The following PARN variants were observed in gnomAD, a reference collection of about 807,000 sequenced individuals.
PARN encodes the protein poly(A)-specific ribonuclease PARN.
In PARN, 71 loss-of-function variants were observed where a neutral mutation model predicts 102.8. That is an observed-to-expected ratio of 0.69 (90% CI 0.57 to 0.84). The LOEUF (loss-of-function observed/expected upper bound fraction) is 0.84, where lower values mean the gene tolerates loss of function less well. Ranked by LOEUF, PARN falls within the 40% of genes least tolerant of loss-of-function variation. The pLI, the probability that PARN is intolerant of heterozygous loss-of-function variation, is 0.00. For missense variants in PARN, 782 were observed against 760.9 expected (o/e 1.03, Z -0.33); for synonymous variants, 261 against 252.9 (o/e 1.03, Z -0.30).
At chr16:14,457,364 G>A (rs1246716085) in intron 22 of PARN, among the ~76,000 whole-genome samples, 2 of 152,164 alleles carry the variant, frequency 1.3e-5, no homozygotes, top group Non-Finnish European at 2.9e-5. Flanking sequence ...TGGTGAATTC[G>A]AATTCCATGA....
intron 18 of PARN, among the ~76,000 whole-genome samples, chr16:14,569,010 G>C (rs1219651482): frequency 6.6e-6 from 1 of 151,484 alleles, no homozygotes; most frequent in South Asian, 2.1e-4. Flanking sequence ...CCAAGAGTTC[G>C]AGACCAGCCT....
At chr16:14,473,414 G>A (rs1049985000) in intron 22 of PARN, among the ~76,000 whole-genome samples, 6 of 152,144 alleles carry the variant, frequency 3.9e-5, no homozygotes, top group African/African-American at 1.2e-4. Context: ...TTGCTGTGGC[G>A]GCTAGACTAG....
chr16:14,518,115 GCT>G (rs1011875076), intron 21 of PARN, among the ~76,000 whole-genome samples: 1 of 151,088 alleles, frequency 6.6e-6, no homozygotes, highest in Non-Finnish European at 1.5e-5. Flanking sequence ...AATTTAATTT[GCT>G]CTTTTTTAAA....
At position 14,580,876 on chromosome 16, in the gene PARN, G is replaced by T; in HGVS notation, c.1260C>A (p.Asn420Lys). 6.3e-7 allele frequency: 1 copy of T among 1,590,696 alleles called. No homozygotes were observed. Among genetic ancestry groups the T allele is most frequent in the Non-Finnish European group, 8.6e-7 (1 of 1,159,198 alleles). ...ARSKLIEPFF[N>K]KLFLMRVMDI... ...ACTGGAACTCTCTGATTACTTACTT[G>T]TTAAAAAAAGGTTCAATGAGTTTTG... The change falls in exon 18 of 24, where the codon AAC becomes AAA. Residue 420 changes from asparagine to lysine, a missense_variant and splice_region_variant. Transcript: ENST00000437198.
chr16:14,621,570 T>C (rs1972301383), intron 5 of PARN, among the ~76,000 whole-genome samples: 1 of 152,140 alleles, frequency 6.6e-6, no homozygotes, highest in Admixed American at 6.6e-5. Context: ...CCGAGCACTT[T>C]GGGAGGCGAG....
chr16:14,602,373 G>C (rs1970926191), intron 11 of PARN, among the ~76,000 whole-genome samples: 1 of 152,030 alleles, frequency 6.6e-6, no homozygotes, highest in Non-Finnish European at 1.5e-5. Context: ...CAGTTGCTCT[G>C]ATCCAGTCCC....
chr16:14,506,461 T>C (rs552213456), intron 21 of PARN, among the ~76,000 whole-genome samples: 2 of 152,338 alleles, frequency 1.3e-5, no homozygotes, highest in South Asian at 4.1e-4. Flanking sequence ...GATAAATATA[T>C]TAGGGCAATA....
At chr16:14,501,024 T>C (rs1469542429) in intron 21 of PARN, among the ~76,000 whole-genome samples, 4 of 152,094 alleles carry the variant, frequency 2.6e-5, no homozygotes, top group Non-Finnish European at 5.9e-5. Flanking sequence ...AGGTCTGAAT[T>C]GCAAACAAAA....
chr16:14,446,187 G>A (rs149975059), intron 23 of PARN, among the ~76,000 whole-genome samples: 1 of 152,292 alleles, frequency 6.6e-6, no homozygotes, highest in Non-Finnish European at 1.5e-5. Flanking sequence ...TGTGCATGAA[G>A]GGCTGAGTGA....
chr16:14,478,064 G>C (rs969150763), intron 22 of PARN, among the ~76,000 whole-genome samples: 28 of 152,164 alleles, frequency 1.8e-4, no homozygotes, highest in Non-Finnish European at 4.4e-5. Flanking sequence ...GCTCCCACGT[G>C]TAATCCCAGC....
chr16:14,554,696 G>A (rs1269457613), intron 19 of PARN, among the ~76,000 whole-genome samples: 3 of 151,142 alleles, frequency 2.0e-5, no homozygotes, highest in African/African-American at 4.9e-5. Context: ...CTCCCACCTC[G>A]GTCTCCAAAA....
intron 21 of PARN, among the ~76,000 whole-genome samples, chr16:14,483,600 A>G (rs1198375130): frequency 1.3e-5 from 2 of 152,144 alleles, no homozygotes; most frequent in Non-Finnish European, 2.9e-5. Flanking sequence ...ACAAATTTGT[A>G]CACCCACATG....
chr16:14,626,486 T>C (rs1038311217), intron 5 of PARN, among the ~76,000 whole-genome samples: 2 of 152,218 alleles, frequency 1.3e-5, no homozygotes, highest in African/African-American at 4.8e-5. Context: ...GTGGTTCAAC[T>C]TGGGGGTAAA....
At chr16:14,547,835 A>C (rs1179983782) in intron 21 of PARN, among the ~76,000 whole-genome samples, 1 of 152,228 alleles carries the variant, frequency 6.6e-6, no homozygotes. Flanking sequence ...AACAGAGCCA[A>C]AGAAGCCATT....
intron 21 of PARN, among the ~76,000 whole-genome samples, chr16:14,538,540 G>A (rs1174035906): frequency 6.6e-6 from 1 of 152,080 alleles, no homozygotes; most frequent in Non-Finnish European, 1.5e-5. Context: ...CATTTTCAAT[G>A]AGATTGATGT....
At chr16:14,458,686 C>T (rs528767817) in intron 22 of PARN, among the ~76,000 whole-genome samples, 5 of 152,198 alleles carry the variant, frequency 3.3e-5, no homozygotes, top group African/African-American at 9.6e-5. Flanking sequence ...CACAACCAGG[C>T]CCTAGATTCC....
intron 22 of PARN, among the ~76,000 whole-genome samples, chr16:14,478,395 A>G (rs1159481502): frequency 6.6e-6 from 1 of 152,206 alleles, no homozygotes; most frequent in East Asian, 1.9e-4. Context: ...AAGACTTAAT[A>G]TCCATTTGTG....
chr16:14,594,933 G>A (rs1462951577), intron 12 of PARN, among the ~76,000 whole-genome samples: 1 of 152,098 alleles, frequency 6.6e-6, no homozygotes, highest in East Asian at 1.9e-4. Flanking sequence ...TGAAACCACA[G>A]AAAAGATGTG....
Position 14,436,689 on chromosome 16 carries a change from C to G in PARN, c.*28G>C, listed in dbSNP as rs759097365. On this transcript the variant is annotated 3_prime_UTR_variant, in exon 24 of 24. Coordinates refer to ENST00000437198, the MANE Select transcript of PARN (RefSeq NM_002582.4). ...CCGGCTCTTGCTCACAGCGACAGCA[C>G]CAGCGGTTTGCTGCCCTCAGGTCTT... The G allele has an allele frequency of 6.4e-7, 1 of 1,556,484 alleles. No individual in the cohort carries two copies. The highest frequency in any genetic ancestry group is 8.8e-7 in the Non-Finnish European group (1 of 1,138,068).
Sources: allele counts gnomAD v4.1 joint callset (sites outside exome capture counted in the v4.1 genomes callset), GRCh38; gene constraint gnomAD v4.1.1; transcripts MANE v1.5; gene names NCBI Gene and HGNC (gene_info 2026-07-23, HGNC 2026-07-21).